Variants in GNG7 observed in about 807,000 individuals in gnomAD.
GNG7 encodes G protein subunit gamma 7.
GNG7 carries 1 observed loss-of-function variant against 4.0 expected under a neutral mutation model. The observed-to-expected ratio is 0.25, with a 90% CI of 0.09 to 1.18. The LOEUF (loss-of-function observed/expected upper bound fraction) is 1.18. GNG7 is among the 50% of genes most tolerant of loss of function. The probability of loss-of-function intolerance (pLI) is 0.50; values close to 1 mark genes in which losing one functional copy is unlikely to be tolerated. For missense variants in GNG7, 86 were observed against 91.9 expected (o/e 0.94, Z 0.26); for synonymous variants, 34 against 36.9 (o/e 0.92, Z 0.29).
At chr19:2,581,397 G>A (rs1980502335) in intron 2 of GNG7, among the ~76,000 whole-genome samples, 1 of 151,948 alleles carries the variant, frequency 6.6e-6, no homozygotes, top group African/African-American at 2.4e-5. Flanking sequence ...TCCTTCACTT[G>A]CAAATTGCCC....
chr19:2,657,399 T>TATATATATATATACACAC (rs1332253018), intron 1 of GNG7, among the ~76,000 whole-genome samples: 4 of 80,720 alleles, frequency 5.0e-5, no homozygotes, highest in Admixed American at 2.7e-4. Context: ...TATATATATA[T>TATATATATATATACACAC]ACACATAATA....
intron 2 of GNG7, among the ~76,000 whole-genome samples, chr19:2,602,408 T>G (rs992044463): frequency 6.6e-6 from 1 of 152,190 alleles, no homozygotes; most frequent in Non-Finnish European, 1.5e-5. Flanking sequence ...CTGGCTCCCC[T>G]GTACCCACCC....
At chr19:2,637,640 G>A (rs1205262355) in intron 2 of GNG7, among the ~76,000 whole-genome samples, 1 of 152,208 alleles carries the variant, frequency 6.6e-6, no homozygotes, top group Admixed American at 6.5e-5. Flanking sequence ...CACCACACCT[G>A]CTCACCACTA....
intron 3 of GNG7, among the ~76,000 whole-genome samples, chr19:2,543,414 G>A (rs568877450): frequency 1.3e-5 from 2 of 152,002 alleles, no homozygotes; most frequent in African/African-American, 4.8e-5. Flanking sequence ...TTTTAGAGCT[G>A]GGGCCTCACC....
At chr19:2,687,730 C>G (rs772250718) in intron 1 of GNG7, among the ~76,000 whole-genome samples, 1 of 151,804 alleles carries the variant, frequency 6.6e-6, no homozygotes, top group Non-Finnish European at 1.5e-5. Context: ...AATTCCAGCA[C>G]TTTGGGAGGC....
intron 1 of GNG7, among the ~76,000 whole-genome samples, chr19:2,698,151 C>T (rs1415780962): frequency 7.1e-6 from 1 of 141,600 alleles, no homozygotes. Context: ...CCTGTAGTCC[C>T]AGCTACTCGG....
chr19:2,682,524 G>A (rs931032129), intron 1 of GNG7, among the ~76,000 whole-genome samples: 5 of 151,296 alleles, frequency 3.3e-5, no homozygotes, highest in South Asian at 2.1e-4. Flanking sequence ...TTGGCCAGGC[G>A]TGGTGGCACG....
Position 2,626,419 on chromosome 19 carries a change from G to A in GNG7, c.-78+19805C>T, listed in dbSNP as rs991314033. 2.0e-5 allele frequency among the ~76,000 whole-genome samples: 3 copies of A among 152,148 alleles called. No individual in the cohort carries two copies. The highest frequency in any genetic ancestry group is 2.9e-5 in the Non-Finnish European group (2 of 68,032). On this transcript the variant is annotated intron_variant, in intron 2 of 4. Transcript: ENST00000382159. The surrounding 1 kb of genome is among the most constrained non-coding windows in gnomAD (Gnocchi z 5.0). ...ATTGATTGTTGTCATGGGTGGAGCC[G>A]GAACCCGCTATGGCTCCCTCCTGCC...
intron 2 of GNG7, among the ~76,000 whole-genome samples, chr19:2,619,440 A>G (rs546143999): frequency 5.3e-5 from 8 of 152,362 alleles, no homozygotes; most frequent in East Asian, 1.9e-4. Context: ...GGCCTCGCAC[A>G]TAGTAAGTTC....
At position 2,627,593 on chromosome 19, in the gene GNG7, T is replaced by G. The variant is rs574456947; in HGVS notation, c.-78+18631A>C. On this transcript the variant is annotated intron_variant, in intron 2 of 4. Coordinates refer to ENST00000382159, the MANE Select transcript of GNG7 (RefSeq NM_052847.3). ...CTGATTCTGAATTCCCAGTCTCACA[T>G]GGGCCAGAGGGTGACTGGCTCGAGA... is the stretch of plus-strand genomic sequence containing the variant. Among the ~76,000 whole-genome samples the G allele has an allele frequency of 3.3e-5, 5 of 152,326 alleles. No homozygotes were observed. The East Asian group carries it at 9.6e-4, about 29-fold the overall frequency.
chr19:2,515,068 G>A lies in GNG7; in HGVS notation c.161C>T (p.Ala54Val), dbSNP rs765216135. Residue 54 changes from alanine (A) to valine (V), a missense_variant, in exon 5 of 5, where the codon GCC (alanine) becomes GTC (valine). Coordinates refer to ENST00000382159, the MANE Select transcript of GNG7 (RefSeq NM_052847.3). ...RNDPLLVGVPASENPFKDKKP... is the reference protein window; with the variant it reads ...RNDPLLVGVPVSENPFKDKKP... ...CTTGTCCTTAAAGGGGTTCTCCGAGGCAGGGACTCCGACCAGCAGGGGGTC... is the reference window on the plus strand; with the variant it reads ...CTTGTCCTTAAAGGGGTTCTCCGAGACAGGGACTCCGACCAGCAGGGGGTC... 2 of 1,613,902 alleles carry A rather than the reference G, an allele frequency of 1.2e-6. No individual in the cohort carries two copies. The highest frequency in any genetic ancestry group is 1.7e-5 in the Admixed American group (1 of 60,000).
chr19:2,524,777 C>T lies in GNG7; in HGVS notation c.-37-4052G>A, dbSNP rs142811689. Among the ~76,000 whole-genome samples, 17 of 152,142 alleles carry T rather than the reference C, an allele frequency of 1.1e-4. No homozygotes were observed. In the South Asian group the frequency reaches 2.5e-3, roughly 22 times the overall value. On this transcript the variant is annotated intron_variant, in intron 3 of 4. Coordinates refer to ENST00000382159, the MANE Select transcript of GNG7 (RefSeq NM_052847.3). ...GGACACGGCACTGCATGTGCGTGTG[C>T]GCACACGTGTGTGGGCATGCATGTC...
At chr19:2,561,047 G>T (rs1979727819) in intron 2 of GNG7, among the ~76,000 whole-genome samples, 1 of 152,128 alleles carries the variant, frequency 6.6e-6, no homozygotes, top group African/African-American at 2.4e-5. Context: ...GGGGCAGACG[G>T]TGTGTAAACC....
At chr19:2,535,144 A>G (rs1414086948) in intron 3 of GNG7, among the ~76,000 whole-genome samples, 1 of 152,072 alleles carries the variant, frequency 6.6e-6, no homozygotes, top group Non-Finnish European at 1.5e-5. Flanking sequence ...TGTAGTATTT[A>G]TAATTTGATA....
At chr19:2,531,516 A>G (rs1444367170) in intron 3 of GNG7, among the ~76,000 whole-genome samples, 1 of 152,092 alleles carries the variant, frequency 6.6e-6, no homozygotes, top group Admixed American at 6.6e-5. Flanking sequence ...TTATTTCTAC[A>G]TGCAAATCCG....
chr19:2,569,437 G>A (rs78727418), intron 2 of GNG7, among the ~76,000 whole-genome samples: 39,129 of 151,920 alleles, frequency 0.26, 5,845 homozygotes, highest in South Asian at 0.36. Flanking sequence ...CACCACACCC[G>A]GCTAATTTTT....
At chr19:2,587,765 T>C (rs917377610) in intron 2 of GNG7, among the ~76,000 whole-genome samples, 1 of 151,404 alleles carries the variant, frequency 6.6e-6, no homozygotes, top group Non-Finnish European at 1.5e-5. Flanking sequence ...CACTTGAACC[T>C]GGGAGGCAGA....
chr19:2,626,642 T>C lies in GNG7; in HGVS notation c.-78+19582A>G, dbSNP rs1450877583. Among the ~76,000 whole-genome samples, 2 of 152,176 alleles carry C rather than the reference T, an allele frequency of 1.3e-5. No individual in the cohort carries two copies. The highest frequency in any genetic ancestry group is 4.8e-5 in the African/African-American group (2 of 41,438). Reference sequence around the variant, plus strand: ...GAACAAAGCTCCTGGTGTGGGCACCTGCTTTCACTCTTGGGCGGTGTTGTC... The same window carrying C: ...GAACAAAGCTCCTGGTGTGGGCACCCGCTTTCACTCTTGGGCGGTGTTGTC... On this transcript the variant is annotated intron_variant, in intron 2 of 4. Coordinates refer to ENST00000382159, the MANE Select transcript of GNG7 (RefSeq NM_052847.3). The surrounding 1 kb of genome is among the most constrained non-coding windows in gnomAD (Gnocchi z 5.0).
rs140830751 is a variant in GNG7 at position 2,564,450 on chromosome 19, G to A, written c.-77-9262C>T. ...ACAAAAATTAGCCAGGCATGGTGGC[G>A]TGCACCTGTACCACTCGGGAGGCGG... On this transcript the variant is annotated intron_variant, in intron 2 of 4. Coordinates refer to ENST00000382159, the MANE Select transcript of GNG7 (RefSeq NM_052847.3). Among the ~76,000 whole-genome samples the A allele has an allele frequency of 1.6e-3, 246 of 152,196 alleles. 1 individual carries two copies. Among genetic ancestry groups the A allele is most frequent in the African/African-American group, 4.6e-3 (190 of 41,528 alleles).
Sources: allele counts gnomAD v4.1 joint callset (sites outside exome capture counted in the v4.1 genomes callset), GRCh38; gene constraint gnomAD v4.1.1; non-coding constraint Gnocchi (gnomAD v3.1); transcripts MANE v1.5; gene names NCBI Gene and HGNC (gene_info 2026-07-23, HGNC 2026-07-21).